The following RALY variants were observed in gnomAD, a reference collection of about 807,000 sequenced individuals.
RALY encodes the protein RALY heterogeneous nuclear ribonucleoprotein.
Under a neutral mutation model 30.7 loss-of-function variants are expected in RALY, and 15 were observed. The observed-to-expected ratio is 0.49, with a 90% CI of 0.33 to 0.75. RALY has a LOEUF of 0.75. Ranked by LOEUF, RALY falls within the 30% of genes least tolerant of loss-of-function variation. The pLI, the probability that RALY is intolerant of heterozygous loss-of-function variation, is 0.02. For missense variants in RALY, 339 were observed against 414.3 expected (o/e 0.82, Z 1.58); for synonymous variants, 177 against 170.8 (o/e 1.04, Z -0.28).
intron 1 of RALY, among the ~76,000 whole-genome samples, chr20:34,028,626 C>T (rs2032136843): frequency 1.4e-5 from 2 of 144,570 alleles, no homozygotes; most frequent in Admixed American, 1.4e-4. Context: ...ATGGTGTGAA[C>T]CCGGGAGGCG....
intron 1 of RALY, among the ~76,000 whole-genome samples, chr20:34,009,325 G>C (rs1410638902): frequency 1.3e-5 from 2 of 151,910 alleles, no homozygotes; most frequent in African/African-American, 2.4e-5. Context: ...TGCAACCTCT[G>C]CCTCCCGGGT....
At chr20:34,021,944 C>T (rs140641166) in intron 1 of RALY, among the ~76,000 whole-genome samples, 81 of 150,698 alleles carry the variant, frequency 5.4e-4, no homozygotes, top group African/African-American at 1.7e-3. Flanking sequence ...TAAATAGAGA[C>T]GGGTCTTGCT....
intron 1 of RALY, among the ~76,000 whole-genome samples, chr20:34,020,272 G>A (rs1360385409): frequency 6.6e-6 from 1 of 152,218 alleles, no homozygotes; most frequent in African/African-American, 2.4e-5. Flanking sequence ...AACTCCCATG[G>A]GGGTGAGGGG....
intron 8 of RALY, among the ~76,000 whole-genome samples, chr20:34,078,042 C>T (rs1160377430): frequency 6.6e-6 from 1 of 152,204 alleles, no homozygotes; most frequent in African/African-American, 2.4e-5. Context: ...TGGGTTCTAT[C>T]GTGAGAACAG....
chr20:34,036,548 G>A (rs1201909693), intron 2 of RALY, among the ~76,000 whole-genome samples: 5 of 152,154 alleles, frequency 3.3e-5, no homozygotes, highest in Non-Finnish European at 4.4e-5. Context: ...TGGCCTCATG[G>A]AATGAATTGA....
At position 34,073,818 on chromosome 20, in the gene RALY, G is replaced by A. The variant is rs1304975073; in HGVS notation, c.330-1G>A. The A allele has an allele frequency of 2.5e-6, 4 of 1,614,142 alleles. No individual in the cohort carries two copies. The highest frequency in any genetic ancestry group is 3.4e-6 in the Non-Finnish European group (4 of 1,179,986). On this transcript the variant is annotated splice_acceptor_variant, in intron 4 of 9. Transcript: ENST00000246194. LOFTEE classifies it high-confidence loss of function. ...CAGCCCTCTCCCCTTTGTTTCCCCA[G>A]TGGCTACATCTTTGACTATGATTAC...
At chr20:34,046,246 T>A (rs114361316) in intron 2 of RALY, among the ~76,000 whole-genome samples, 129 of 152,302 alleles carry the variant, frequency 8.5e-4, no homozygotes, top group African/African-American at 2.7e-3. Flanking sequence ...CCCAGTCTTA[T>A]CTCCAAAGAA....
intron 1 of RALY, among the ~76,000 whole-genome samples, chr20:34,009,888 A>C (rs1299960251): frequency 6.6e-6 from 1 of 152,120 alleles, no homozygotes; most frequent in Non-Finnish European, 1.5e-5. Flanking sequence ...CATTTTTGCT[A>C]CCTGCTTGCC....
At chr20:34,004,498 G>A (rs566585339) in intron 1 of RALY, among the ~76,000 whole-genome samples, 100 of 152,316 alleles carry the variant, frequency 6.6e-4, no homozygotes, top group African/African-American at 2.4e-3. Context: ...AACAACTTGA[G>A]TAGAGGCACA....
intron 2 of RALY, among the ~76,000 whole-genome samples, chr20:34,057,353 A>G (rs1233534342): frequency 2.0e-5 from 3 of 152,186 alleles, no homozygotes; most frequent in Admixed American, 2.0e-4. Flanking sequence ...TTCTTACCCA[A>G]ATTATTGGTT....
rs565391193 is a variant in RALY, at chr20:34,044,676, C to G, written c.-10+13072C>G. On this transcript the variant is annotated intron_variant, in intron 2 of 9. Transcript: ENST00000246194. ...AGAACCATTGAGGCCAAGCAAATAT[C>G]AAAAATTGAAGCCAGAAGGACAGAT... Among the ~76,000 whole-genome samples, 39 of 152,220 alleles carry G rather than the reference C, an allele frequency of 2.6e-4. 1 individual carries two copies. Among genetic ancestry groups the G allele is most frequent in the South Asian group, 1.5e-3 (7 of 4,822 alleles).
intron 2 of RALY, among the ~76,000 whole-genome samples, chr20:34,040,925 T>G (rs2032676468): frequency 6.6e-6 from 1 of 151,920 alleles, no homozygotes; most frequent in Non-Finnish European, 1.5e-5. Context: ...GAGGGTAGAG[T>G]GTTTGGGAGT....
chr20:34,044,784 A>G (rs1302786573), intron 2 of RALY, among the ~76,000 whole-genome samples: 1 of 152,248 alleles, frequency 6.6e-6, no homozygotes, highest in Non-Finnish European at 1.5e-5. Flanking sequence ...GAAAGCCAGC[A>G]TTGGAAGGGA....
intron 9 of RALY, among the ~76,000 whole-genome samples, chr20:34,079,289 T>C (rs911830970): frequency 2.0e-5 from 3 of 152,150 alleles, no homozygotes; most frequent in Non-Finnish European, 4.4e-5. Flanking sequence ...GATAAGGTAG[T>C]AGTTGGTGGA....
intron 2 of RALY, among the ~76,000 whole-genome samples, chr20:34,035,308 T>A (rs2032454444): frequency 6.6e-6 from 1 of 151,990 alleles, no homozygotes; most frequent in Admixed American, 6.6e-5. Flanking sequence ...AAGGCTAGAG[T>A]TATCAGAAAA....
In RALY at chr20:34,038,387, A is replaced by G. The variant is rs549206953; in HGVS notation, c.-10+6783A>G. ...AAGGTCTGTGAGCGTTGGTGGTTCTAGAACCTTGAGATGAGTGAGAGATGA... is the reference window on the plus strand; with the variant it reads ...AAGGTCTGTGAGCGTTGGTGGTTCTGGAACCTTGAGATGAGTGAGAGATGA... On this transcript the variant is annotated intron_variant, in intron 2 of 9. Transcript: ENST00000246194. Among the ~76,000 whole-genome samples the G allele has an allele frequency of 3.9e-5, 6 of 152,296 alleles. No individual in the cohort carries two copies. The South Asian group carries it at 1.0e-3, about 26-fold the overall frequency.
At chr20:34,070,823 A>G (rs1397667928) in intron 2 of RALY, among the ~76,000 whole-genome samples, 1 of 152,176 alleles carries the variant, frequency 6.6e-6, no homozygotes, top group Non-Finnish European at 1.5e-5. Context: ...GTGTTAGTCC[A>G]TTCTTGCACT....
intron 2 of RALY, among the ~76,000 whole-genome samples, chr20:34,032,191 G>A (rs1221962289): frequency 6.6e-6 from 1 of 152,166 alleles, no homozygotes; most frequent in Non-Finnish European, 1.5e-5. Context: ...TCGAACTCCC[G>A]ACCTCAGGTG....
In RALY at chr20:34,063,414, C is replaced by T. The variant is rs1351823122; in HGVS notation, c.-9-8652C>T. 4.6e-5 allele frequency among the ~76,000 whole-genome samples: 7 copies of T among 152,122 alleles called. No individual in the cohort carries two copies. The South Asian group carries it at 1.0e-3, about 23-fold the overall frequency. On this transcript the variant is annotated intron_variant, in intron 2 of 9. Coordinates refer to ENST00000246194, the MANE Select transcript of RALY (RefSeq NM_016732.3). ...GAATCAGACAAGCCCTTGGGTCTTT[C>T]GGTCCAAAGCATGCAACTTAATGTG...
Sources: gnomAD v4.1 joint callset for allele counts (sites outside exome capture counted in the v4.1 genomes callset) on GRCh38, gnomAD v4.1.1 for gene constraint, MANE v1.5 for transcripts, NCBI Gene and HGNC (gene_info 2026-07-23, HGNC 2026-07-21) for gene names.